KLHL29: variants seen among roughly 807,000 people sequenced by gnomAD.
KLHL29 encodes the protein kelch like family member 29.
A neutral mutation model predicts 80.4 loss-of-function variants in KLHL29; 21 were observed. That is an observed-to-expected ratio of 0.26 (90% confidence interval 0.19 to 0.38). KLHL29 has a LOEUF of 0.38. Among genes scored for constraint, KLHL29 ranks in the 10% least tolerant of loss-of-function variants. The pLI is 1.00. For synonymous variants in KLHL29, 511 were observed against 526.8 expected (o/e 0.97, Z 0.41); for missense variants, 867 against 1,223.9 (o/e 0.71, Z 4.35).
intron 5 of KLHL29, among the ~76,000 whole-genome samples, chr2:23,657,380 A>G (rs1340013493): frequency 6.6e-6 from 1 of 152,238 alleles, no homozygotes; most frequent in East Asian, 1.9e-4. Context: ...TTATTGATTT[A>G]TTTGGGCACA....
chr2:23,517,441 G>A (rs1171322067), intron 2 of KLHL29, among the ~76,000 whole-genome samples: 1 of 152,190 alleles, frequency 6.6e-6, no homozygotes, highest in African/African-American at 2.4e-5. Flanking sequence ...TACTCAGGAG[G>A]CTGAGGTAGG....
intron 3 of KLHL29, among the ~76,000 whole-genome samples, chr2:23,574,338 C>T (rs1393839810): frequency 2.6e-5 from 4 of 152,240 alleles, no homozygotes; most frequent in Admixed American, 2.6e-4. Context: ...GACCCATGTT[C>T]GTACTTGACC....
intron 2 of KLHL29, among the ~76,000 whole-genome samples, chr2:23,509,445 G>A (rs1163474640): frequency 1.3e-5 from 2 of 152,122 alleles, no homozygotes; most frequent in African/African-American, 4.8e-5. Context: ...GGATCTGGGA[G>A]AGTGAGGGAC....
At chr2:23,633,481 C>CA (rs879816959) in intron 3 of KLHL29, among the ~76,000 whole-genome samples, 1 of 148,348 alleles carries the variant, frequency 6.7e-6, no homozygotes, top group Non-Finnish European at 1.5e-5. Context: ...CTGTGTATCC[C>CA]TTTTTTTTTT....
At chr2:23,623,919 T>A (rs1350391843) in intron 3 of KLHL29, among the ~76,000 whole-genome samples, 1 of 152,186 alleles carries the variant, frequency 6.6e-6, no homozygotes, top group African/African-American at 2.4e-5. Flanking sequence ...GGTCCCCCAT[T>A]TCTGCAGCTG....
At chr2:23,385,988 CAGGGGGAAAAAAA>C in intron 1 of KLHL29, among the ~76,000 whole-genome samples, 1 of 152,054 alleles carries the variant, frequency 6.6e-6, no homozygotes, top group South Asian at 2.1e-4. Context: ...TGCGCTGCTC[CAGGGGGAAAAAAA>C]GGGGGGGAAA....
chr2:23,485,016 G>A (rs949980073), intron 2 of KLHL29, among the ~76,000 whole-genome samples: 10 of 152,172 alleles, frequency 6.6e-5, no homozygotes, highest in Non-Finnish European at 1.3e-4. Flanking sequence ...TTCTCTCCCT[G>A]GCACCCTTGT....
At chr2:23,484,485 G>A (rs1401614758) in intron 2 of KLHL29, among the ~76,000 whole-genome samples, 1 of 152,176 alleles carries the variant, frequency 6.6e-6, no homozygotes, top group Non-Finnish European at 1.5e-5. Context: ...AATTAACCCG[G>A]CACTCCGTTC....
chr2:23,696,576 A>T lies in KLHL29; in HGVS notation c.2105+63A>T. On this transcript the variant is annotated intron_variant, in intron 11 of 13. Transcript: ENST00000486442. This position sits in a 1 kb window ranked among gnomAD's most constrained non-coding sequence, Gnocchi z 5.5. ...GCTCACCAAGAACTGAAATCACGTC[A>T]CTCACTGTACCTCCCAACACCCACT... The T allele has an allele frequency of 2.3e-6, 3 of 1,312,162 alleles. No homozygotes were observed. The highest frequency in any genetic ancestry group is 3.1e-6 in the Non-Finnish European group (3 of 963,806). 81.3% of individuals were successfully genotyped at this position (1,312,162 alleles called of 1,614,324 possible).
chr2:23,674,335 C>T (rs981588449), intron 5 of KLHL29, among the ~76,000 whole-genome samples: 1 of 152,090 alleles, frequency 6.6e-6, no homozygotes, highest in African/African-American at 2.4e-5. Flanking sequence ...GTTCCCAGAA[C>T]TTGGGGTCTG....
At chr2:23,604,107 T>C (rs558901760) in intron 3 of KLHL29, among the ~76,000 whole-genome samples, 6 of 152,136 alleles carry the variant, frequency 3.9e-5, no homozygotes, top group Admixed American at 6.5e-5. Context: ...CAAAGGACCA[T>C]TGGACAACTG....
chr2:23,465,374 C>T (rs1664319590), intron 1 of KLHL29, among the ~76,000 whole-genome samples: 1 of 152,242 alleles, frequency 6.6e-6, no homozygotes. Context: ...TCACCTCCTG[C>T]CTCTCTGTGT....
At chr2:23,530,374 A>T (rs1162473354) in intron 2 of KLHL29, among the ~76,000 whole-genome samples, 3 of 152,160 alleles carry the variant, frequency 2.0e-5, no homozygotes, top group Non-Finnish European at 4.4e-5. Context: ...AAAAGTGGTG[A>T]TGGTATTTAA....
intron 3 of KLHL29, among the ~76,000 whole-genome samples, chr2:23,603,730 C>CAGCCCTGGGGAGCAGGCCAGGCCGAGG (rs1668632411): frequency 6.6e-6 from 1 of 152,198 alleles, no homozygotes; most frequent in African/African-American, 2.4e-5. Flanking sequence ...GCATTGTGTC[C>CAGCCCTGGGGAGCAGGCCAGGCCGAGG]AGCCCTGGGG....
intron 1 of KLHL29, among the ~76,000 whole-genome samples, chr2:23,406,773 T>G (rs979509000): frequency 6.6e-6 from 1 of 152,202 alleles, no homozygotes; most frequent in South Asian, 2.1e-4. Context: ...GGGGTAGATA[T>G]GAGACTTATG....
chr2:23,606,018 C>T (rs185174609), intron 3 of KLHL29, among the ~76,000 whole-genome samples: 28 of 152,202 alleles, frequency 1.8e-4, no homozygotes, highest in African/African-American at 6.5e-4. Context: ...ATCTGCCCAC[C>T]TCAGCCTCCC....
At chr2:23,689,787 C>CG (rs1671467172) in intron 6 of KLHL29, 1 of 152,252 alleles carries the variant, frequency 6.6e-6, no homozygotes, top group Admixed American at 6.5e-5. Context: ...GCTCTGGGGC[C>CG]GGGGGTGTTG....
chr2:23,533,337 C>T (rs919930550), intron 2 of KLHL29, among the ~76,000 whole-genome samples: 1 of 152,084 alleles, frequency 6.6e-6, no homozygotes, highest in Non-Finnish European at 1.5e-5. Flanking sequence ...GAGAGTTCCC[C>T]CACCCTCTGG....
intron 2 of KLHL29, among the ~76,000 whole-genome samples, chr2:23,560,095 G>A (rs1667410240): frequency 2.0e-5 from 3 of 152,188 alleles, no homozygotes; most frequent in Non-Finnish European, 4.4e-5. Flanking sequence ...CAGTTCCCAT[G>A]GAGTGGCCAG....
Sources: allele counts gnomAD v4.1 joint callset (sites outside exome capture counted in the v4.1 genomes callset), GRCh38; gene constraint gnomAD v4.1.1; non-coding constraint Gnocchi (gnomAD v3.1); transcripts MANE v1.5; gene names NCBI Gene and HGNC (gene_info 2026-07-23, HGNC 2026-07-21).